Variants in AKAP19 observed in about 807,000 individuals in gnomAD.
The protein encoded by AKAP19 is A-kinase anchoring protein 19.
At chr2:190,038,907 C>CTTTCTTTCTTTCTTTCT in the AKAP19 span, among the ~76,000 whole-genome samples, 35 of 75,966 alleles carry the variant, frequency 4.6e-4, 3 homozygotes, top group African/African-American at 2.9e-3. Context: ...TTTCTTTCTT[C>CTTTCTTTCTTTCTTTCT]TTCTTCTTCT....
chr2:189,968,440 A>C, the AKAP19 span, among the ~76,000 whole-genome samples: 45 of 152,128 alleles, frequency 3.0e-4, no homozygotes, highest in Middle Eastern at 0.01. Flanking sequence ...GCATCTCACT[A>C]TATTGCCCAG....
At chr2:190,021,663 T>C in the AKAP19 span, among the ~76,000 whole-genome samples, 1 of 152,240 alleles carries the variant, frequency 6.6e-6, no homozygotes, top group African/African-American at 2.4e-5. Flanking sequence ...CACAAGGTCC[T>C]GGCCATTTCT....
chr2:189,898,731 C>A, the AKAP19 span, among the ~76,000 whole-genome samples: 1 of 152,130 alleles, frequency 6.6e-6, no homozygotes, highest in Non-Finnish European at 1.5e-5. Context: ...ACTGCCACTG[C>A]CCTCATTCAA....
At chr2:189,906,684 G>A in the AKAP19 span, among the ~76,000 whole-genome samples, 2 of 151,954 alleles carry the variant, frequency 1.3e-5, no homozygotes, top group Non-Finnish European at 2.9e-5. Context: ...CCAACATATA[G>A]ATATACAACT....
At chr2:189,943,128 T>A in the AKAP19 span, among the ~76,000 whole-genome samples, 3 of 152,096 alleles carry the variant, frequency 2.0e-5, no homozygotes, top group African/African-American at 7.2e-5. Context: ...AGAAAAGGCC[T>A]CAAAGACATT....
At chr2:189,919,993 C>G in the AKAP19 span, among the ~76,000 whole-genome samples, 3 of 152,184 alleles carry the variant, frequency 2.0e-5, no homozygotes, top group Non-Finnish European at 4.4e-5. Flanking sequence ...TTTCACTACA[C>G]CTACAATAGT....
chr2:190,194,391 T>G, the AKAP19 span, among the ~76,000 whole-genome samples: 1 of 151,456 alleles, frequency 6.6e-6, no homozygotes, highest in African/African-American at 2.4e-5. Context: ...GTGTATTTTT[T>G]AAAAAAATAA....
At chr2:190,044,539 C>T in the AKAP19 span, among the ~76,000 whole-genome samples, 1 of 152,146 alleles carries the variant, frequency 6.6e-6, no homozygotes, top group African/African-American at 2.4e-5. Context: ...AGCAAAGAGG[C>T]TTTTAGTTGC....
the AKAP19 span, among the ~76,000 whole-genome samples, chr2:190,094,046 C>G: frequency 6.6e-6 from 1 of 152,164 alleles, no homozygotes; most frequent in Non-Finnish European, 1.5e-5. Flanking sequence ...GGCCCCACAC[C>G]CCTGCAAGAG....
At chr2:190,186,528 T>C in the AKAP19 span, among the ~76,000 whole-genome samples, 18 of 152,324 alleles carry the variant, frequency 1.2e-4, no homozygotes, top group Middle Eastern at 3.4e-3. The surrounding 1 kb of genome is among the most constrained non-coding windows in gnomAD (Gnocchi z 5.5). Flanking sequence ...AGTAGTGTTC[T>C]TTCGGTGACC....
the AKAP19 span, among the ~76,000 whole-genome samples, chr2:190,185,420 CAACTT>C: frequency 2.6e-5 from 4 of 152,108 alleles, no homozygotes; most frequent in African/African-American, 9.7e-5. Flanking sequence ...GCTTATCTAC[CAACTT>C]AACAAAATGA....
the AKAP19 span, among the ~76,000 whole-genome samples, chr2:190,192,971 C>T: frequency 2.0e-5 from 3 of 152,140 alleles, no homozygotes; most frequent in Admixed American, 2.0e-4. Context: ...GCAGTTTTCT[C>T]CTTCTCTCAA....
At chr2:189,988,522 A>G in the AKAP19 span, among the ~76,000 whole-genome samples, 13 of 152,252 alleles carry the variant, frequency 8.5e-5, no homozygotes, top group Non-Finnish European at 8.8e-5. Context: ...GAACAAGGAC[A>G]GTATATTGTT....
chr2:190,009,092 A>AGCT, the AKAP19 span, among the ~76,000 whole-genome samples: 2 of 152,322 alleles, frequency 1.3e-5, no homozygotes, highest in East Asian at 3.9e-4. Flanking sequence ...TGTGAGGAAT[A>AGCT]GCTAGAAGAC....
At chr2:189,915,174 GT>G in the AKAP19 span, among the ~76,000 whole-genome samples, 71 of 150,810 alleles carry the variant, frequency 4.7e-4, 1 homozygote, top group Middle Eastern at 3.4e-3. Flanking sequence ...CACTAGAACT[GT>G]TTTTTTTTAA....
the AKAP19 span, among the ~76,000 whole-genome samples, chr2:190,043,474 T>A: frequency 4.5e-4 from 68 of 152,306 alleles, no homozygotes; most frequent in Non-Finnish European, 9.0e-4. Context: ...TCAGCTTGAT[T>A]TATTCTGCTG....
chr2:190,152,491 T>C, the AKAP19 span, among the ~76,000 whole-genome samples: 1 of 152,238 alleles, frequency 6.6e-6, no homozygotes, highest in Non-Finnish European at 1.5e-5. Context: ...GTTTCATTAG[T>C]CTGTCTTTTC....
the AKAP19 span, among the ~76,000 whole-genome samples, chr2:190,066,699 T>C: frequency 6.6e-6 from 1 of 152,138 alleles, no homozygotes. Flanking sequence ...TTAAGCTAGG[T>C]AGCATGAATA....
chr2:190,110,176 TC>T, the AKAP19 span, among the ~76,000 whole-genome samples: 1 of 152,318 alleles, frequency 6.6e-6, no homozygotes, highest in East Asian at 1.9e-4. Context: ...TCTGGATTAC[TC>T]AGTGAAACAT....
Sources: gnomAD v4.1 joint callset for allele counts (sites outside exome capture counted in the v4.1 genomes callset) on GRCh38, gnomAD v4.1.1 for gene constraint, Gnocchi (gnomAD v3.1) non-coding constraint, MANE v1.5 for transcripts, NCBI Gene and HGNC (gene_info 2026-07-23, HGNC 2026-07-21) for gene names.